Variants in FMN2 observed in about 807,000 individuals in gnomAD.
The protein encoded by FMN2 is formin-2.
Under a neutral mutation model 142.3 loss-of-function variants are expected in FMN2, and 51 were observed. That is an observed-to-expected ratio of 0.36 (90% CI 0.29 to 0.45). The LOEUF (loss-of-function observed/expected upper bound fraction) is 0.45. FMN2 is among the 20% of genes least tolerant of loss of function. The pLI is 1.00. For synonymous variants in FMN2, 882 were observed against 869.8 expected, an observed-to-expected ratio of 1.01 and a Z score of -0.25; for missense variants, 1,936 against 2,122.8, an observed-to-expected ratio of 0.91 and a Z score of 1.73.
chr1:240,295,753 TTTTCA>T (rs1369640629), intron 8 of FMN2, among the ~76,000 whole-genome samples: 1 of 152,206 alleles, frequency 6.6e-6, no homozygotes, highest in Non-Finnish European at 1.5e-5. Flanking sequence ...TTCAACATAC[TTTTCA>T]TTTCCTTTGG....
chr1:240,272,698 C>T (rs1385118466), intron 7 of FMN2, among the ~76,000 whole-genome samples: 1 of 152,100 alleles, frequency 6.6e-6, no homozygotes, highest in Non-Finnish European at 1.5e-5. Context: ...AATCATAGTC[C>T]TTCCTCTCAG....
intron 1 of FMN2, among the ~76,000 whole-genome samples, chr1:240,096,355 T>C (rs558642051): frequency 6.6e-6 from 1 of 152,318 alleles, no homozygotes; most frequent in South Asian, 2.1e-4. Flanking sequence ...TTCCTTGAGC[T>C]GGATGAAGGG....
At chr1:240,133,448 G>C (rs748125603) in intron 2 of FMN2, among the ~76,000 whole-genome samples, 6 of 152,158 alleles carry the variant, frequency 3.9e-5, no homozygotes, top group Non-Finnish European at 8.8e-5. Flanking sequence ...CGGGATTACA[G>C]GCATGAAACA....
chr1:240,330,560 G>T (rs1457809921), intron 10 of FMN2, 43 bp from the exon 11 acceptor site: 2 of 1,592,412 alleles, frequency 1.3e-6, no homozygotes, highest in Non-Finnish European at 8.5e-7. Flanking sequence ...ACAAAACCTG[G>T]TATAAGATAA....
At position 240,451,548 on chromosome 1, in the gene FMN2, C is replaced by T. The variant is rs1390308410; in HGVS notation, c.5060+13338C>T. Reference sequence around the variant, plus strand: ...GGAAATGAGATGATTGGCGTGTTCCCCAGGAGGAAATGCCAGCAAGCCATG... The same window carrying T: ...GGAAATGAGATGATTGGCGTGTTCCTCAGGAGGAAATGCCAGCAAGCCATG... On this transcript the variant is annotated intron_variant, in intron 16 of 17. Coordinates refer to ENST00000319653, the MANE Select transcript of FMN2 (RefSeq NM_020066.5). Among the ~76,000 whole-genome samples the T allele has an allele frequency of 2.6e-5, 4 of 151,870 alleles. No homozygotes were observed. The South Asian group carries it at 8.4e-4, about 32-fold the overall frequency.
intron 13 of FMN2, among the ~76,000 whole-genome samples, chr1:240,352,800 T>G (rs921422821): frequency 6.6e-6 from 1 of 152,194 alleles, no homozygotes; most frequent in Non-Finnish European, 1.5e-5. Flanking sequence ...AATATGCATC[T>G]GGAAACATTG....
chr1:240,188,714 AT>A (rs563757800), intron 4 of FMN2, among the ~76,000 whole-genome samples: 1 of 151,934 alleles, frequency 6.6e-6, no homozygotes, highest in Non-Finnish European at 1.5e-5. Flanking sequence ...CCAGGAAACT[AT>A]TTTTTTTCTG....
At chr1:240,354,828 G>A (rs1672211467) in intron 13 of FMN2, among the ~76,000 whole-genome samples, 1 of 152,188 alleles carries the variant, frequency 6.6e-6, no homozygotes, top group Non-Finnish European at 1.5e-5. Context: ...GAACTGTAGT[G>A]AGAGGTTTTG....
intron 14 of FMN2, among the ~76,000 whole-genome samples, chr1:240,375,650 T>A (rs556610426): frequency 2.8e-4 from 43 of 152,330 alleles, no homozygotes; most frequent in African/African-American, 9.6e-4. Context: ...TAACTCTAGA[T>A]TGTCTCTCAC....
intron 2 of FMN2, chr1:240,144,527 G>A: frequency 6.8e-7 from 1 of 1,466,918 alleles, no homozygotes; most frequent in Non-Finnish European, 9.6e-7. Flanking sequence ...ATCCTCGCAG[G>A]ATGTGAAGAT....
intron 8 of FMN2, among the ~76,000 whole-genome samples, chr1:240,295,675 C>T (rs1389191152): frequency 6.6e-6 from 1 of 152,292 alleles, no homozygotes; most frequent in East Asian, 1.9e-4. Context: ...TGTTGATGGA[C>T]ACTGGTTGGT....
intron 4 of FMN2, among the ~76,000 whole-genome samples, chr1:240,200,203 TG>T (rs1436659232): frequency 1.3e-5 from 2 of 152,076 alleles, no homozygotes; most frequent in Non-Finnish European, 2.9e-5. Flanking sequence ...TGTGGGAGGG[TG>T]GGCCCCCCAG....
At chr1:240,349,374 G>A (rs1413818424) in intron 13 of FMN2, among the ~76,000 whole-genome samples, 2 of 152,140 alleles carry the variant, frequency 1.3e-5, no homozygotes, top group Non-Finnish European at 2.9e-5. Context: ...CCTACTTGCT[G>A]AGGCTGGTTT....
intron 8 of FMN2, among the ~76,000 whole-genome samples, chr1:240,306,030 A>G (rs747795947): frequency 2.7e-5 from 4 of 150,308 alleles, no homozygotes; most frequent in African/African-American, 4.9e-5. Flanking sequence ...GCTCACTGCA[A>G]CCTCCACCTC....
intron 6 of FMN2, among the ~76,000 whole-genome samples, chr1:240,241,842 T>C (rs866192494): frequency 0.36 from 49,068 of 134,836 alleles, 9,572 homozygotes; most frequent in Middle Eastern, 0.5. Flanking sequence ...TTTTTTTTTT[T>C]TTTTTTTTTT....
chr1:240,099,058 A>G (rs1661318987), intron 1 of FMN2, among the ~76,000 whole-genome samples: 1 of 152,208 alleles, frequency 6.6e-6, no homozygotes, highest in African/African-American at 2.4e-5. Flanking sequence ...CTATGAAGGT[A>G]GAAGAATAAT....
At position 240,329,259 on chromosome 1, in the gene FMN2, A is replaced by T. The variant is rs933420563; in HGVS notation, c.4308-80A>T. The T allele has an allele frequency of 8.2e-6, 13 of 1,592,684 alleles. No homozygotes were observed. The African/African-American group carries it at 1.8e-4, about 22-fold the overall frequency. On this transcript the variant is annotated intron_variant, in intron 9 of 17. Coordinates refer to ENST00000319653, the MANE Select transcript of FMN2 (RefSeq NM_020066.5). ...TGCAAATGCGGTGTCTTCAGTGCAT[A>T]CTTGTTGTGAATGAGATGAGGATAA...
intron 14 of FMN2, among the ~76,000 whole-genome samples, chr1:240,389,504 C>T: frequency 6.6e-6 from 1 of 152,178 alleles, no homozygotes; most frequent in South Asian, 2.1e-4. Context: ...AGCTTGCTTG[C>T]TCCATAAATG....
rs757414313 is a variant in FMN2, at chr1:240,208,613, G to C, written c.3801G>C (p.Leu1267Phe). The C allele has an allele frequency of 6.2e-7, 1 of 1,613,838 alleles. No individual in the cohort carries two copies. Among genetic ancestry groups the C allele is most frequent in the Admixed American group, 1.7e-5 (1 of 60,002 alleles). The change falls in exon 5 of 18, where the codon TTG (leucine) becomes TTC (phenylalanine). Residue 1267 changes from leucine (L) to phenylalanine (F), a missense_variant. Physicochemically the swap from Leu to Phe is conservative, Grantham distance 22 (BLOSUM62 0). This residue lies in a region of FMN2 where 259 missense variants were observed against 230.9 expected (regional missense o/e 1.12). Transcript: ENST00000319653. ...PQVCGFLPPP[L>F]PSGLFGLGMN... ...TGTGTGGATTTCTTCCTCCTCCATT[G>C]CCAAGTGGCTTGTTTGGATTAGGGA...
Sources: allele counts gnomAD v4.1 joint callset (sites outside exome capture counted in the v4.1 genomes callset), GRCh38; gene constraint gnomAD v4.1.1; regional missense constraint gnomAD v4.1.1; transcripts MANE v1.5; gene names NCBI Gene and HGNC (gene_info 2026-07-23, HGNC 2026-07-21).